The following SORCS2 variants were observed in gnomAD, a reference collection of about 807,000 sequenced individuals.
The protein encoded by SORCS2 is VPS10 domain-containing receptor SorCS2.
A neutral mutation model predicts 141.6 loss-of-function variants in SORCS2; 100 were observed. The observed-to-expected ratio is 0.71, with a 90% CI of 0.60 to 0.83. SORCS2 has a LOEUF of 0.83. Ranked by LOEUF, SORCS2 falls within the 40% of genes least tolerant of loss-of-function variation. The pLI, the probability that SORCS2 is intolerant of heterozygous loss-of-function variation, is 0.00. For synonymous variants in SORCS2, 789 were observed against 676.9 expected, an observed-to-expected ratio of 1.17 and a Z score of -2.57; for missense variants, 1,646 against 1,560.2, an observed-to-expected ratio of 1.05 and a Z score of -0.93.
intron 3 of SORCS2, among the ~76,000 whole-genome samples, chr4:7,554,985 G>A (rs149623598): frequency 5.9e-5 from 9 of 152,294 alleles, no homozygotes; most frequent in Non-Finnish European, 2.9e-5. Flanking sequence ...CATCACAGTC[G>A]AGGTTGTGTC....
intron 3 of SORCS2, among the ~76,000 whole-genome samples, chr4:7,574,417 G>C (rs1715609366): frequency 6.6e-6 from 1 of 152,246 alleles, no homozygotes; most frequent in Non-Finnish European, 1.5e-5. Flanking sequence ...ATGTCTTAGA[G>C]AGTGATGACG....
intron 1 of SORCS2, among the ~76,000 whole-genome samples, chr4:7,275,674 G>A (rs1052946053): frequency 6.6e-6 from 1 of 152,080 alleles, no homozygotes; most frequent in Non-Finnish European, 1.5e-5. Context: ...TTATGCTTCT[G>A]TTGTCCTGTG....
intron 3 of SORCS2, among the ~76,000 whole-genome samples, chr4:7,627,308 C>A (rs1408286292): frequency 6.6e-6 from 1 of 152,116 alleles, no homozygotes; most frequent in East Asian, 1.9e-4. Flanking sequence ...TTAAAAATTC[C>A]CTCAGCTAAG....
intron 2 of SORCS2, among the ~76,000 whole-genome samples, chr4:7,495,373 C>T (rs1398294409): frequency 2.0e-5 from 3 of 152,176 alleles, no homozygotes; most frequent in African/African-American, 7.2e-5. Flanking sequence ...TCCATGTGTG[C>T]CAAGGAAGAA....
In SORCS2 at chr4:7,459,662, T is replaced by C. The variant is rs61055253; in HGVS notation, c.548+63307T>C. On this transcript the variant is annotated intron_variant, in intron 2 of 26. Coordinates refer to ENST00000507866, the MANE Select transcript of SORCS2 (RefSeq NM_020777.3). ...CAGCCTGGGGTGTCCAGGCCACTGG[T>C]CTCTCTGGTCTCAGAGTGCTCAGGA... Among the ~76,000 whole-genome samples the C allele has an allele frequency of 3.6e-3, 548 of 152,218 alleles. 3 individuals carry two copies. The highest frequency in any genetic ancestry group is 0.013 in the African/African-American group (520 of 41,538).
intron 2 of SORCS2, among the ~76,000 whole-genome samples, chr4:7,477,202 C>T (rs1730350163): frequency 6.6e-6 from 1 of 151,088 alleles, no homozygotes; most frequent in African/African-American, 2.4e-5. Context: ...CCTCCGGCAC[C>T]AAGGCAGGTC....
intron 2 of SORCS2, among the ~76,000 whole-genome samples, chr4:7,488,640 C>T (rs1346998675): frequency 1.3e-5 from 2 of 152,236 alleles, no homozygotes; most frequent in African/African-American, 2.4e-5. Flanking sequence ...ACGGCCATCT[C>T]ATTGACAGAT....
intron 21 of SORCS2, among the ~76,000 whole-genome samples, chr4:7,727,558 T>C (rs1727312211): frequency 6.6e-6 from 1 of 152,162 alleles, no homozygotes; most frequent in Non-Finnish European, 1.5e-5. Context: ...TGGACAAGTG[T>C]GCGGAGGGTT....
chr4:7,699,905 C>A (rs79830939), intron 12 of SORCS2, among the ~76,000 whole-genome samples: 147 of 152,170 alleles, frequency 9.7e-4, no homozygotes, highest in Non-Finnish European at 1.8e-3. Context: ...GAGCCTCTAA[C>A]GAGCCCCTGC....
intron 3 of SORCS2, among the ~76,000 whole-genome samples, chr4:7,540,604 C>T (rs1261817743): frequency 2.6e-5 from 4 of 152,336 alleles, no homozygotes; most frequent in South Asian, 4.1e-4. Context: ...TTTGGCGCTG[C>T]GCTGCATCCT....
At chr4:7,719,218 G>C (rs746034755) in intron 18 of SORCS2, among the ~76,000 whole-genome samples, 1 of 152,212 alleles carries the variant, frequency 6.6e-6, no homozygotes, top group Admixed American at 6.5e-5. Context: ...TGGGATGTTG[G>C]TGACAAAGGT....
intron 1 of SORCS2, among the ~76,000 whole-genome samples, chr4:7,259,820 C>T (rs1012337011): frequency 5.9e-5 from 9 of 152,258 alleles, no homozygotes; most frequent in South Asian, 2.1e-4. Flanking sequence ...GAGGAGAAGT[C>T]GGCCCCCTGC....
At chr4:7,396,643 A>T (rs1455181054) in intron 2 of SORCS2, among the ~76,000 whole-genome samples, 6 of 151,978 alleles carry the variant, frequency 3.9e-5, no homozygotes, top group Non-Finnish European at 8.8e-5. Context: ...TCCCCGGAGG[A>T]GGAGGGTTTG....
At chr4:7,507,224 G>A (rs1333911462) in intron 2 of SORCS2, among the ~76,000 whole-genome samples, 2 of 149,488 alleles carry the variant, frequency 1.3e-5, no homozygotes, top group Admixed American at 1.3e-4. Context: ...GGCCAGGCTG[G>A]AGTGCAGTGG....
chr4:7,380,238 G>A (rs1480981334), intron 1 of SORCS2, among the ~76,000 whole-genome samples: 1 of 152,212 alleles, frequency 6.6e-6, no homozygotes, highest in Admixed American at 6.5e-5. Context: ...TGCTGTCTGA[G>A]CATAGGGAGC....
intron 2 of SORCS2, among the ~76,000 whole-genome samples, chr4:7,521,312 G>A (rs538784446): frequency 1.3e-5 from 2 of 152,224 alleles, no homozygotes; most frequent in Non-Finnish European, 1.5e-5. Context: ...GACTTGCCTG[G>A]CAGGGTCTCC....
At chr4:7,486,604 T>G (rs978512387) in intron 2 of SORCS2, among the ~76,000 whole-genome samples, 4 of 152,286 alleles carry the variant, frequency 2.6e-5, no homozygotes, top group African/African-American at 9.6e-5. Flanking sequence ...ACCCCAGACC[T>G]GACTGCTTCA....
At chr4:7,571,467 A>C (rs4689142) in intron 3 of SORCS2, among the ~76,000 whole-genome samples, 2,435 of 152,250 alleles carry the variant, frequency 0.016, 160 homozygotes, top group East Asian at 0.16. Context: ...AGCTCTGGCC[A>C]TGCCCCGTGT....
chr4:7,622,037 A>T (rs1719227790), intron 3 of SORCS2, among the ~76,000 whole-genome samples: 1 of 152,160 alleles, frequency 6.6e-6, no homozygotes, highest in South Asian at 2.1e-4. Context: ...TTCTGGCCTC[A>T]GTAAGGCCTG....
Sources: allele counts gnomAD v4.1 joint callset (sites outside exome capture counted in the v4.1 genomes callset), GRCh38; gene constraint gnomAD v4.1.1; transcripts MANE v1.5; gene names NCBI Gene and HGNC (gene_info 2026-07-23, HGNC 2026-07-21).